Variants in DHRSX observed in about 807,000 individuals in gnomAD.
DHRSX encodes polyprenol dehydrogenase.
A neutral mutation model predicts 34.0 loss-of-function variants in DHRSX; 31 were observed. The observed-to-expected ratio is 0.91, with a 90% confidence interval of 0.69 to 1.23. The LOEUF is 1.23. Ranked by LOEUF, DHRSX falls within the 50% of genes most tolerant of loss-of-function variation. The pLI is 0.00. For missense variants in DHRSX, 414 were observed against 428.1 expected, an observed-to-expected ratio of 0.97 and a Z score of 0.29; for synonymous variants, 201 against 183.8, an observed-to-expected ratio of 1.09 and a Z score of -0.76.
At chrX:2,365,080 C>T (rs983988905) in intron 3 of DHRSX, among the ~76,000 whole-genome samples, 1 of 152,112 alleles carries the variant, frequency 6.6e-6, no homozygotes, top group Non-Finnish European at 1.5e-5. Flanking sequence ...ACAATGCCTG[C>T]CTCAAAAATT....
intron 3 of DHRSX, among the ~76,000 whole-genome samples, chrX:2,352,719 A>AATGCTACG (rs1199586129): frequency 6.6e-6 from 1 of 152,168 alleles, no homozygotes; most frequent in African/African-American, 2.4e-5. Flanking sequence ...AGGTGTGTTG[A>AATGCTACG]ATGCTACGGT....
At chrX:2,314,222 GAAGGAAGGGAGGGAGGGA>G (rs2042200102) in intron 3 of DHRSX, among the ~76,000 whole-genome samples, 1 of 14,776 alleles carries the variant, frequency 6.8e-5, no homozygotes, top group African/African-American at 4.7e-4. Flanking sequence ...GGGAAGGAGG[GAAGGAAGGGAGGGAGGGA>G]AGGAAGGGAG....
In DHRSX at chrX:2,304,293, G is replaced by GGA. The variant is rs1569485939; in HGVS notation, c.287-12691_287-12690insTC. 9.9e-3 allele frequency among the ~76,000 whole-genome samples: 936 copies of GGA among 94,930 alleles called. 25 individuals carry two copies. Among genetic ancestry groups the GGA allele is most frequent in the African/African-American group, 0.039 (783 of 20,114 alleles). The allele number at this position is 94,930 out of a possible 152,430, so 62.3% of individuals were successfully genotyped here. A position where few individuals can be genotyped will look rare whatever the true frequency, so the allele number is the denominator to read the frequency against. On this transcript the variant is annotated intron_variant, in intron 3 of 6. Coordinates refer to ENST00000334651, the MANE Select transcript of DHRSX (RefSeq NM_145177.3). ...GGTGGATGGATGGGTGGGTGGGTGG[G>GGA]TGGATGGATGGATGGATGAATGGAT... is the stretch of plus-strand genomic sequence containing the variant.
chrX:2,482,165 T>G (rs2044784226), intron 1 of DHRSX, among the ~76,000 whole-genome samples: 1 of 150,378 alleles, frequency 6.6e-6, no homozygotes, highest in South Asian at 2.1e-4. Flanking sequence ...TCTCTCTCCT[T>G]GTTGCACAGG....
chrX:2,463,494 G>A (rs2044431740), intron 1 of DHRSX, among the ~76,000 whole-genome samples: 1 of 151,668 alleles, frequency 6.6e-6, no homozygotes, highest in Non-Finnish European at 1.5e-5. Flanking sequence ...CTGATGCGAT[G>A]GGGGCATCTC....
chrX:2,226,719 C>T (rs1170343215), intron 6 of DHRSX, among the ~76,000 whole-genome samples: 2 of 151,506 alleles, frequency 1.3e-5, no homozygotes, highest in South Asian at 2.1e-4. Context: ...GGCGTGAACC[C>T]GGGAGGCGGG....
intron 3 of DHRSX, among the ~76,000 whole-genome samples, chrX:2,362,441 C>G (rs920193570): frequency 6.6e-6 from 1 of 152,164 alleles, no homozygotes; most frequent in Non-Finnish European, 1.5e-5. Flanking sequence ...GCTGGGATTA[C>G]AGGCGCCCAC....
intron 1 of DHRSX, among the ~76,000 whole-genome samples, chrX:2,461,450 A>G (rs2044400611): frequency 6.6e-6 from 1 of 152,244 alleles, no homozygotes; most frequent in African/African-American, 2.4e-5. Flanking sequence ...CTCTAAGATA[A>G]CGCACAACCT....
intron 1 of DHRSX, among the ~76,000 whole-genome samples, chrX:2,444,280 A>AC (rs1335038588): frequency 6.6e-6 from 1 of 152,108 alleles, no homozygotes; most frequent in African/African-American, 2.4e-5. Context: ...GCAAGCACAC[A>AC]CCCCTTAAGA....
chrX:2,484,966 C>T (rs1214341500), intron 1 of DHRSX, among the ~76,000 whole-genome samples: 1 of 152,086 alleles, frequency 6.6e-6, no homozygotes, highest in Non-Finnish European at 1.5e-5. Context: ...ACATCCGAAA[C>T]CTTTTTCTCA....
rs756118928 is a variant in DHRSX at position 2,404,742 on chromosome X, G to A, written c.286+4003C>T. On this transcript the variant is annotated intron_variant, in intron 3 of 6. Transcript: ENST00000334651. The stretch of plus-strand genomic sequence containing the variant: ...CTTCCCCCTACACAGAGCTCCCCCC[G>A]CCCCAGAAAATACTTAAAAAATAAC... Among the ~76,000 whole-genome samples the A allele has an allele frequency of 1.3e-3, 187 of 148,808 alleles. 1 individual carries two copies. Among genetic ancestry groups the A allele is most frequent in the African/African-American group, 4.4e-3 (178 of 40,044 alleles).
intron 1 of DHRSX, among the ~76,000 whole-genome samples, chrX:2,431,690 C>T (rs2043925129): frequency 6.6e-6 from 1 of 152,088 alleles, no homozygotes; most frequent in Admixed American, 6.6e-5. Context: ...TCACTTCTTA[C>T]TGGGAGGTAA....
rs1281222505 is a variant in DHRSX at position 2,220,534 on chromosome X, AACTC to A, written c.*503_*506del. ...CCAGATGGTGCTGCTGGCCACGTCA[AACTC>A]ATCCTACAGGCTGTAGCAAGCAAGG... On this transcript the variant is annotated 3_prime_UTR_variant, in exon 7 of 7. Transcript: ENST00000334651. 2 of 155,814 alleles carry A rather than the reference AACTC, an allele frequency of 1.3e-5. No individual in the cohort carries two copies. Among genetic ancestry groups the A allele is most frequent in the Admixed American group, 1.3e-4 (2 of 15,982 alleles). The allele number at this position is 155,814 out of a possible 1,614,324, so 9.7% of individuals were successfully genotyped here.
intron 3 of DHRSX, among the ~76,000 whole-genome samples, chrX:2,312,753 G>C (rs1308948555): frequency 6.6e-6 from 1 of 151,972 alleles, no homozygotes; most frequent in Non-Finnish European, 1.5e-5. Flanking sequence ...CTACCCTATG[G>C]AATCCTCTGG....
intron 3 of DHRSX, among the ~76,000 whole-genome samples, chrX:2,325,481 CCT>C (rs1341624014): frequency 5.3e-5 from 8 of 152,218 alleles, no homozygotes; most frequent in Non-Finnish European, 1.0e-4. Flanking sequence ...CATCTTCCCT[CCT>C]CTTTGTCAGC....
At chrX:2,284,861 C>A (rs1321321976) in intron 4 of DHRSX, among the ~76,000 whole-genome samples, 1 of 152,178 alleles carries the variant, frequency 6.6e-6, no homozygotes, top group Non-Finnish European at 1.5e-5. Flanking sequence ...AAAAGATATT[C>A]TATGTCTGAA....
At chrX:2,232,005 CCTT>C (rs1195038219) in intron 6 of DHRSX, among the ~76,000 whole-genome samples, 15 of 143,432 alleles carry the variant, frequency 1.0e-4, no homozygotes, top group Admixed American at 4.2e-4. Context: ...TTTTCCTCCT[CCTT>C]CATCTTCTCC....
At chrX:2,427,342 CAG>C (rs1433641904) in intron 1 of DHRSX, among the ~76,000 whole-genome samples, 1 of 152,190 alleles carries the variant, frequency 6.6e-6, no homozygotes, top group African/African-American at 2.4e-5. Flanking sequence ...CTCTGGCAGA[CAG>C]GGCGTCATCA....
intron 1 of DHRSX, chrX:2,489,255 C>T (rs1291553883): frequency 1.9e-6 from 3 of 1,613,916 alleles, no homozygotes; most frequent in East Asian, 2.2e-5. Context: ...TGCTGCCGCT[C>T]GAAGGCGGAG....
Sources: gnomAD v4.1 joint callset for allele counts (sites outside exome capture counted in the v4.1 genomes callset) on GRCh38, gnomAD v4.1.1 for gene constraint, MANE v1.5 for transcripts, NCBI Gene and HGNC (gene_info 2026-07-23, HGNC 2026-07-21) for gene names.